Variants in CLASP1 observed in about 807,000 individuals in gnomAD.
The protein encoded by CLASP1 is CLIP-associating protein 1.
Under a neutral mutation model 192.3 loss-of-function variants are expected in CLASP1, and 38 were observed. The ratio of observed to expected loss-of-function variants is 0.20; its 90% confidence interval spans 0.15 to 0.26. The LOEUF (loss-of-function observed/expected upper bound fraction) is 0.26, where lower values mean the gene tolerates loss of function less well. Among genes scored for constraint, CLASP1 ranks in the 10% least tolerant of loss-of-function variants. The pLI, the probability that CLASP1 is intolerant of heterozygous loss-of-function variation, is 1.00. For missense variants in CLASP1, 1,433 were observed against 1,932.5 expected (o/e 0.74, Z 4.85); for synonymous variants, 691 against 712.8 (o/e 0.97, Z 0.49).
intron 23 of CLASP1, among the ~76,000 whole-genome samples, chr2:121,415,104 T>C (rs1402709922): frequency 6.6e-6 from 1 of 152,202 alleles, no homozygotes; most frequent in African/African-American, 2.4e-5. Flanking sequence ...AGTACTTGTG[T>C]AATCGTTTGA....
intron 8 of CLASP1, among the ~76,000 whole-genome samples, chr2:121,497,743 G>A (rs1363760857): frequency 6.6e-6 from 1 of 151,988 alleles, no homozygotes; most frequent in Non-Finnish European, 1.5e-5. Context: ...TTTTTTAGAT[G>A]GAGTCTTGCT....
chr2:121,394,465 T>C (rs1250563080), intron 30 of CLASP1, among the ~76,000 whole-genome samples: 4 of 152,226 alleles, frequency 2.6e-5, no homozygotes, highest in African/African-American at 4.8e-5. Context: ...TGAAGAGAAA[T>C]GAGCTGTTAA....
intron 1 of CLASP1, among the ~76,000 whole-genome samples, chr2:121,642,089 A>T (rs1168385522): frequency 6.6e-6 from 1 of 152,152 alleles, no homozygotes; most frequent in Non-Finnish European, 1.5e-5. Flanking sequence ...CTATACAAAA[A>T]AGATAATCAC....
At chr2:121,426,511 G>T (rs1027608188) in intron 21 of CLASP1, among the ~76,000 whole-genome samples, 1 of 152,184 alleles carries the variant, frequency 6.6e-6, no homozygotes, top group Non-Finnish European at 1.5e-5. Context: ...AATTGTGTCT[G>T]TGTGTGTATA....
At chr2:121,484,804 C>T (rs1187116641) in intron 8 of CLASP1, among the ~76,000 whole-genome samples, 3 of 152,174 alleles carry the variant, frequency 2.0e-5, no homozygotes, top group African/African-American at 7.2e-5. Flanking sequence ...AGATAGTTTA[C>T]AGGAGGAGCA....
intron 2 of CLASP1, among the ~76,000 whole-genome samples, chr2:121,549,832 C>T (rs974741564): frequency 3.3e-5 from 5 of 151,408 alleles, no homozygotes; most frequent in South Asian, 2.1e-4. Flanking sequence ...GGTGAAACCC[C>T]GTCTCTATTA....
intron 25 of CLASP1, among the ~76,000 whole-genome samples, chr2:121,406,180 G>A (rs2076886297): frequency 6.6e-6 from 1 of 152,138 alleles, no homozygotes; most frequent in African/African-American, 2.4e-5. Flanking sequence ...AAAAATAAGG[G>A]TGTGTCTATG....
At chr2:121,614,832 G>A (rs1156637037) in intron 1 of CLASP1, among the ~76,000 whole-genome samples, 4 of 152,092 alleles carry the variant, frequency 2.6e-5, no homozygotes. Flanking sequence ...CACAGAAAAG[G>A]CCTGTCAATG....
At chr2:121,420,960 C>G (rs147161974) in intron 22 of CLASP1, among the ~76,000 whole-genome samples, 1 of 152,196 alleles carries the variant, frequency 6.6e-6, no homozygotes, top group African/African-American at 2.4e-5. Flanking sequence ...TACCCCCCTC[C>G]GGTATTTCAC....
chr2:121,423,392 G>C (rs1057146436), intron 22 of CLASP1, among the ~76,000 whole-genome samples: 1 of 151,942 alleles, frequency 6.6e-6, no homozygotes, highest in African/African-American at 2.4e-5. Flanking sequence ...AAACTTCCTA[G>C]TTAAAACCAT....
intron 25 of CLASP1, among the ~76,000 whole-genome samples, chr2:121,405,489 CT>C (rs1414756450): frequency 1.3e-5 from 2 of 152,144 alleles, no homozygotes; most frequent in East Asian, 3.9e-4. Flanking sequence ...TGCCCTTTGC[CT>C]TTTCTGATCC....
intron 1 of CLASP1, among the ~76,000 whole-genome samples, chr2:121,608,671 A>G (rs181126345): frequency 2.6e-4 from 40 of 152,264 alleles, no homozygotes; most frequent in Non-Finnish European, 3.8e-4. Context: ...ACCAAGCCAA[A>G]CCACAGAATT....
intron 1 of CLASP1, among the ~76,000 whole-genome samples, chr2:121,647,456 A>G (rs1415379793): frequency 6.6e-6 from 1 of 152,206 alleles, no homozygotes; most frequent in Non-Finnish European, 1.5e-5. Context: ...CTTCTGGCCA[A>G]TCATTTCTCA....
chr2:121,635,361 CCTTT>C (rs1283191411), intron 1 of CLASP1, among the ~76,000 whole-genome samples: 1 of 152,184 alleles, frequency 6.6e-6, no homozygotes, highest in Non-Finnish European at 1.5e-5. Flanking sequence ...ATAATTCCTT[CCTTT>C]GTTTCCACTA....
chr2:121,498,202 T>C (rs1467691162), intron 8 of CLASP1, among the ~76,000 whole-genome samples: 1 of 106,440 alleles, frequency 9.4e-6, no homozygotes, highest in Non-Finnish European at 1.8e-5. Context: ...TAATAGTTTC[T>C]TTTTTTTTTT....
chr2:121,426,948 T>A lies in CLASP1; in HGVS notation c.2044+456A>T, dbSNP rs2080498834. On this transcript the variant is annotated intron_variant, in intron 21 of 39. Coordinates refer to ENST00000263710, the Ensembl canonical transcript of CLASP1. Reference sequence around the variant, plus strand: ...AGTATACATTTACTATGTACTAGAATAGAATGACCCAGAGGAAGAAAGCAT... The same window carrying A: ...AGTATACATTTACTATGTACTAGAAAAGAATGACCCAGAGGAAGAAAGCAT... Among the ~76,000 whole-genome samples the A allele has an allele frequency of 2.0e-5, 3 of 151,998 alleles. No homozygotes were observed. In the South Asian group the frequency reaches 6.2e-4, roughly 31 times the overall value.
In CLASP1 at chr2:121,427,439, T is replaced by TGAG; in HGVS notation, c.2018-12_2018-10dup. 6.2e-7 allele frequency: 1 copy of TGAG among 1,612,730 alleles called. No individual in the cohort carries two copies. ...ATTAGCAGATCTGGATCCTTGATTA[T>TGAG]GAGAGCAGACCAAAGGACAGGCAAA... is the stretch of plus-strand genomic sequence containing the variant. On this transcript the variant is annotated splice_polypyrimidine_tract_variant and intron_variant, in intron 20 of 39. Coordinates refer to ENST00000263710, the Ensembl canonical transcript of CLASP1.
chr2:121,469,696 T>A, intron 9 of CLASP1, 112 bp downstream of exon 9: 1 of 987,644 alleles, frequency 1.0e-6, no homozygotes, highest in Non-Finnish European at 1.4e-6. Context: ...AGAAACCTGC[T>A]GCATATGGGG....
chr2:121,403,230 T>A (rs1019629258), intron 26 of CLASP1, among the ~76,000 whole-genome samples: 29 of 152,230 alleles, frequency 1.9e-4, no homozygotes, highest in South Asian at 4.1e-4. Flanking sequence ...GGAGAGCTGT[T>A]GTGGGGGGAG....
Sources: gnomAD v4.1 joint callset for allele counts (sites outside exome capture counted in the v4.1 genomes callset) on GRCh38, gnomAD v4.1.1 for gene constraint, MANE v1.5 for transcripts, NCBI Gene and HGNC (gene_info 2026-07-23, HGNC 2026-07-21) for gene names.